SERPINF1: variants seen among roughly 807,000 people sequenced by gnomAD.
SERPINF1 encodes serpin family F member 1, also known as pigment epithelium-derived factor.
Under a neutral mutation model 37.3 loss-of-function variants are expected in SERPINF1, and 29 were observed. That is an observed-to-expected ratio of 0.78 (90% CI 0.58 to 1.06). SERPINF1 has a LOEUF of 1.06. SERPINF1 is among the 50% of genes least tolerant of loss of function. SERPINF1 has a pLI of 0.00. For missense variants in SERPINF1, 553 were observed against 532.2 expected, an observed-to-expected ratio of 1.04 and a Z score of -0.38; for synonymous variants, 281 against 227.9, an observed-to-expected ratio of 1.23 and a Z score of -2.10.
At chr17:1,769,024 C>T (rs140775860) in intron 2 of SERPINF1, among the ~76,000 whole-genome samples, 11,666 of 148,808 alleles carry the variant, frequency 0.078, 813 homozygotes, top group African/African-American at 0.18. Context: ...CCAGGATGGT[C>T]TCGAACTCCT....
At chr17:1,767,079 AC>A in intron 2 of SERPINF1, 85 bp downstream of exon 2, 1 of 1,222,154 alleles carries the variant, frequency 8.2e-7, no homozygotes, top group African/African-American at 1.5e-5. Context: ...GGGAACCCGG[AC>A]CCAGGTTCCA....
chr17:1,777,081 GA>G, intron 7 of SERPINF1, 105 bp from the exon 8 acceptor site: 1 of 1,576,350 alleles, frequency 6.3e-7, no homozygotes, highest in Non-Finnish European at 8.7e-7. Flanking sequence ...AGGCCTCAGA[GA>G]AAGTCAACAG....
rs1248045644 is a variant in SERPINF1, at chr17:1,777,303, A to AC, written c.1119dup (p.Ser374GlnfsTer18). 1 of 1,613,886 alleles carries AC rather than the reference A, an allele frequency of 6.2e-7. No homozygotes were observed. The highest frequency in any genetic ancestry group is 1.3e-5 in the African/African-American group (1 of 74,954). ...GTGGAACGAGGATGGGGCGGGAACC[A>AC]CCCCCAGCCCAGGGCTGCAGCCTGC... On this transcript the variant is annotated frameshift_variant, in exon 8 of 8. Transcript: ENST00000254722. LOFTEE classifies it high-confidence loss of function.
chr17:1,771,759 G>A, intron 4 of SERPINF1, 113 bp from the exon 5 acceptor site: 1 of 978,562 alleles, frequency 1.0e-6, no homozygotes, highest in Non-Finnish European at 1.6e-6. Flanking sequence ...GATGCTGGCT[G>A]GGAAGTCAGG....
At chr17:1,769,227 G>A (rs1360492894) in intron 2 of SERPINF1, among the ~76,000 whole-genome samples, 1 of 150,746 alleles carries the variant, frequency 6.6e-6, no homozygotes, top group African/African-American at 2.4e-5. Flanking sequence ...GCCTAACACG[G>A]TGAAACCCCG....
chr17:1,775,651 C>A (rs570348664), intron 6 of SERPINF1, among the ~76,000 whole-genome samples: 35 of 151,598 alleles, frequency 2.3e-4, no homozygotes, highest in African/African-American at 8.5e-4. Context: ...TAAAGCGATT[C>A]TCTTGCCTCA....
At chr17:1,770,990 G>C (rs1353180047) in intron 3 of SERPINF1, 39 bp from the exon 4 acceptor site, 2 of 1,613,446 alleles carry the variant, frequency 1.2e-6, no homozygotes, top group Non-Finnish European at 1.7e-6. Context: ...TGGGGCCCTG[G>C]TGTGCAGTTA....
intron 3 of SERPINF1, 33 bp from the exon 4 acceptor site, chr17:1,770,996 A>G (rs749201090): frequency 5.0e-6 from 8 of 1,613,664 alleles, no homozygotes; most frequent in Admixed American, 1.7e-5. Context: ...CCTGGTGTGC[A>G]GTTATCAACG....
intron 5 of SERPINF1, among the ~76,000 whole-genome samples, chr17:1,773,118 G>A (rs1209531989): frequency 1.3e-5 from 2 of 152,188 alleles, no homozygotes; most frequent in Non-Finnish European, 2.9e-5. Context: ...TTACCTGCTT[G>A]TCATCAAATC....
chr17:1,774,198 CTTTCT>C (rs905895720), intron 5 of SERPINF1, among the ~76,000 whole-genome samples: 4 of 152,138 alleles, frequency 2.6e-5, no homozygotes, highest in Non-Finnish European at 4.4e-5. Context: ...GTTTACTTTT[CTTTCT>C]TTTGTTTTTG....
At position 1,771,171 on chromosome 17, in the gene SERPINF1, C is replaced by G. The variant is rs747222233; in HGVS notation, c.426C>G (p.Ile142Met). ...AGAACCTCAAGAGTGCCTCCCGGAT[C>G]GTCTTTGAGAAGAGTGAGTCGCCTT... ...PQKNLKSASR[I>M]VFEKKLRIKS... The change falls in exon 4 of 8, where the codon ATC (isoleucine) becomes ATG (methionine). Residue 142 changes from isoleucine to methionine, a missense_variant. Physicochemically the swap from Ile to Met is conservative, Grantham distance 10. Transcript: ENST00000254722. The G allele has an allele frequency of 1.7e-5, 28 of 1,613,502 alleles. No individual in the cohort carries two copies. The highest frequency in any genetic ancestry group is 2.4e-5 in the Non-Finnish European group (28 of 1,179,752).
At chr17:1,769,324 G>A (rs986665171) in intron 2 of SERPINF1, among the ~76,000 whole-genome samples, 3 of 151,852 alleles carry the variant, frequency 2.0e-5, no homozygotes, top group Non-Finnish European at 4.4e-5. Context: ...CAGGAGAATG[G>A]CGTGAACCCG....
intron 6 of SERPINF1, among the ~76,000 whole-genome samples, chr17:1,775,573 C>T (rs190244430): frequency 1.1e-3 from 160 of 148,512 alleles, no homozygotes; most frequent in African/African-American, 3.9e-3. Context: ...GAGACAGTCT[C>T]GCTCTGTCGG....
At chr17:1,768,830 G>A (rs1907546907) in intron 2 of SERPINF1, among the ~76,000 whole-genome samples, 1 of 151,480 alleles carries the variant, frequency 6.6e-6, no homozygotes, top group Admixed American at 6.6e-5. Flanking sequence ...TTTTGAGACA[G>A]GGTCTCACTC....
chr17:1,763,796 C>T (rs567581054), intron 1 of SERPINF1, among the ~76,000 whole-genome samples: 13 of 152,374 alleles, frequency 8.5e-5, no homozygotes, highest in Admixed American at 2.0e-4. Context: ...CAATCATCTA[C>T]CACCTGATCT....
chr17:1,773,539 C>A (rs902443563), intron 5 of SERPINF1, among the ~76,000 whole-genome samples: 1 of 152,208 alleles, frequency 6.6e-6, no homozygotes, highest in African/African-American at 2.4e-5. Flanking sequence ...TGAGCCACTG[C>A]GCTGGCCAAA....
Position 1,771,161 on chromosome 17 carries a change from C to G in SERPINF1, c.416C>G (p.Ala139Gly). Residue 139 changes from alanine (A) to glycine (G), a missense_variant, in exon 4 of 8, where the codon GCC becomes GGC. Ala to Gly is a moderately conservative substitution (Grantham distance 60). Coordinates refer to ENST00000254722, the MANE Select transcript of SERPINF1 (RefSeq NM_002615.7). ...GCCCCCCAGAAGAACCTCAAGAGTGCCTCCCGGATCGTCTTTGAGAAGAGT... is the reference window on the plus strand; with the variant it reads ...GCCCCCCAGAAGAACCTCAAGAGTGGCTCCCGGATCGTCTTTGAGAAGAGT... Reference protein sequence around the residue: ...VTAPQKNLKSASRIVFEKKLR... With the variant: ...VTAPQKNLKSGSRIVFEKKLR... The G allele has an allele frequency of 6.2e-7, 1 of 1,614,022 alleles. No homozygotes were observed.
chr17:1,767,450 T>G (rs1907455443), intron 2 of SERPINF1, among the ~76,000 whole-genome samples: 1 of 152,200 alleles, frequency 6.6e-6, no homozygotes, highest in African/African-American at 2.4e-5. Flanking sequence ...CCAGGATCTT[T>G]TCTCATTACC....
At position 1,772,044 on chromosome 17, in the gene SERPINF1, C is replaced by T; in HGVS notation, c.612C>T (p.Ser204=). 1 of 1,613,892 alleles carries T rather than the reference C, an allele frequency of 6.2e-7. No homozygotes were observed. Among genetic ancestry groups the T allele is most frequent in the South Asian group, 1.1e-5 (1 of 91,066 alleles). Residue 204 remains serine, a synonymous_variant, in exon 5 of 8, where the codon AGC becomes AGT. Coordinates refer to ENST00000254722, the MANE Select transcript of SERPINF1 (RefSeq NM_002615.7). ...CAAAGGAAATTCCCGATGAGATCAG[C>T]ATTCTCCTTCTCGGTGTGGCGCACT... ...RSTKEIPDEI[S]ILLLGVAHFK...
Sources: gnomAD v4.1 joint callset for allele counts (sites outside exome capture counted in the v4.1 genomes callset) on GRCh38, gnomAD v4.1.1 for gene constraint, MANE v1.5 for transcripts, NCBI Gene and HGNC (gene_info 2026-07-23, HGNC 2026-07-21) for gene names.